CRACD: variants seen among roughly 807,000 people sequenced by gnomAD.
CRACD encodes the protein capping protein inhibiting regulator of actin dynamics.
A neutral mutation model predicts 106.8 loss-of-function variants in CRACD; 56 were observed. That is an observed-to-expected ratio of 0.52 (90% CI 0.42 to 0.66). The LOEUF (loss-of-function observed/expected upper bound fraction) is 0.66, where lower values mean the gene tolerates loss of function less well. Among genes scored for constraint, CRACD ranks in the 30% least tolerant of loss-of-function variants. CRACD has a pLI of 0.00. For missense variants in CRACD, 1,730 were observed against 1,623.2 expected, an observed-to-expected ratio of 1.07 and a Z score of -1.13; for synonymous variants, 754 against 670.8, an observed-to-expected ratio of 1.12 and a Z score of -1.92.
intron 2 of CRACD, among the ~76,000 whole-genome samples, chr4:56,197,028 A>C (rs1054970906): frequency 2.0e-5 from 3 of 152,154 alleles, no homozygotes; most frequent in African/African-American, 7.2e-5. Context: ...ATTTTCAAAA[A>C]TGTTGATACT....
chr4:56,088,689 T>C (rs1366230273), intron 1 of CRACD, among the ~76,000 whole-genome samples: 1 of 152,070 alleles, frequency 6.6e-6, no homozygotes, highest in Non-Finnish European at 1.5e-5. Context: ...GGCACACTAC[T>C]ACTAATAATT....
chr4:56,083,834 G>T (rs1039237188), intron 1 of CRACD, among the ~76,000 whole-genome samples: 3 of 152,050 alleles, frequency 2.0e-5, no homozygotes, highest in Non-Finnish European at 4.4e-5. Flanking sequence ...AAAATTAGCT[G>T]GGCGTGGTGG....
chr4:56,180,016 CAA>C (rs967967361), intron 2 of CRACD, among the ~76,000 whole-genome samples: 1 of 135,942 alleles, frequency 7.4e-6, no homozygotes, highest in African/African-American at 2.7e-5. Context: ...GACTCTGTCT[CAA>C]AAAAAAAAAA....
At chr4:56,114,791 ATATT>A (rs1379991583) in intron 1 of CRACD, among the ~76,000 whole-genome samples, 1 of 152,090 alleles carries the variant, frequency 6.6e-6, no homozygotes, top group Non-Finnish European at 1.5e-5. Context: ...TTACATATTT[ATATT>A]TATATATGTA....
intron 2 of CRACD, among the ~76,000 whole-genome samples, chr4:56,231,270 C>T (rs1350489128): frequency 2.0e-5 from 3 of 152,128 alleles, no homozygotes; most frequent in African/African-American, 7.2e-5. Context: ...AGAGAAGAGG[C>T]AGTATCTATT....
intron 3 of CRACD, among the ~76,000 whole-genome samples, chr4:56,290,173 A>AATAGGTCTGCGAGCTCAGG (rs1743625182): frequency 6.6e-6 from 1 of 152,224 alleles, no homozygotes; most frequent in African/African-American, 2.4e-5. Flanking sequence ...GCAGGCTCAG[A>AATAGGTCTGCGAGCTCAGG]ATAGGTCTGC....
At chr4:56,257,528 A>G (rs1449022466) in intron 2 of CRACD, among the ~76,000 whole-genome samples, 1 of 26,328 alleles carries the variant, frequency 3.8e-5, no homozygotes, top group African/African-American at 1.6e-4. Flanking sequence ...TCTCTACAGA[A>G]AAAAAAAAAA....
chr4:56,099,468 G>A (rs1044181958), intron 1 of CRACD, among the ~76,000 whole-genome samples: 1 of 152,168 alleles, frequency 6.6e-6, no homozygotes, highest in Non-Finnish European at 1.5e-5. Context: ...GTGGCTTGGA[G>A]GAACAGTATC....
At chr4:56,276,158 TA>T (rs1349233773) in intron 3 of CRACD, among the ~76,000 whole-genome samples, 1 of 152,186 alleles carries the variant, frequency 6.6e-6, no homozygotes, top group Non-Finnish European at 1.5e-5. Context: ...AGCAAAGCAA[TA>T]AAACATGATC....
intron 1 of CRACD, among the ~76,000 whole-genome samples, chr4:56,086,814 T>A (rs1286036429): frequency 6.6e-6 from 1 of 152,122 alleles, no homozygotes; most frequent in Non-Finnish European, 1.5e-5. Flanking sequence ...TATGACTGAC[T>A]TTGGGGCTTT....
rs55833031 is a variant in CRACD at position 56,121,644 on chromosome 4, G to GA, written c.-335-57631dup. 6.6e-5 allele frequency among the ~76,000 whole-genome samples: 10 copies of GA among 150,436 alleles called. No homozygotes were observed. In the East Asian group the frequency reaches 9.8e-4, roughly 15 times the overall value. ...GGGCGACAGAGCAAGACTCTGTCTT[G>GA]AAAAAAAAAGGAATATGCTGAATAA... On this transcript the variant is annotated intron_variant, in intron 1 of 10. Transcript: ENST00000682029.
At chr4:56,057,994 A>AT (rs558636959) in intron 1 of CRACD, among the ~76,000 whole-genome samples, 1 of 63,038 alleles carries the variant, frequency 1.6e-5, no homozygotes, top group Non-Finnish European at 3.0e-5. Flanking sequence ...AATTTTTTGT[A>AT]TTTTTTTAGT....
rs1011377444 is a variant in CRACD, at chr4:56,198,596, TTTA to T, written c.-189+19171_-189+19173del. Among the ~76,000 whole-genome samples, 57 of 152,244 alleles carry T rather than the reference TTTA, an allele frequency of 3.7e-4. 2 individuals are homozygous for T. The highest frequency in any genetic ancestry group is 1.3e-3 in the African/African-American group (54 of 41,530). The stretch of plus-strand genomic sequence containing the variant: ...GGTCTTATTCTCTATGTATGAGAGT[TTTA>T]TTATCTACTGTGTGCCAGGTACGAT... On this transcript the variant is annotated intron_variant, in intron 2 of 10. Coordinates refer to ENST00000682029, the MANE Select transcript of CRACD (RefSeq NM_001393381.1).
chr4:56,062,806 G>A (rs1032773857), intron 1 of CRACD, among the ~76,000 whole-genome samples: 4 of 152,126 alleles, frequency 2.6e-5, no homozygotes, highest in Non-Finnish European at 5.9e-5. Flanking sequence ...TTATAGAACC[G>A]AATGCCTTAC....
rs57785865 is a variant in CRACD at position 56,112,916 on chromosome 4, A to G, written c.-336+63617A>G. ...GGATTTTAGGTTAGTTTCAATTTCAACAATTAGGCTCCATTAATTTTTGGT... is the reference window on the plus strand; with the variant it reads ...GGATTTTAGGTTAGTTTCAATTTCAGCAATTAGGCTCCATTAATTTTTGGT... On this transcript the variant is annotated intron_variant, in intron 1 of 10. Coordinates refer to ENST00000682029, the MANE Select transcript of CRACD (RefSeq NM_001393381.1). Among the ~76,000 whole-genome samples the G allele has an allele frequency of 4.5e-3, 687 of 152,294 alleles. 16 individuals are homozygous for G. The East Asian group carries it at 0.063, about 14-fold the overall frequency.
intron 2 of CRACD, among the ~76,000 whole-genome samples, chr4:56,201,052 G>A (rs1209692896): frequency 6.6e-6 from 1 of 152,020 alleles, no homozygotes; most frequent in Non-Finnish European, 1.5e-5. Flanking sequence ...TTCTTTTTTG[G>A]TGCATTTTAT....
intron 3 of CRACD, among the ~76,000 whole-genome samples, chr4:56,290,262 G>C (rs1240663693): frequency 6.6e-6 from 1 of 152,192 alleles, no homozygotes. Context: ...CACAGGCGAT[G>C]TTATCTGTTA....
At chr4:56,301,085 T>C (rs1744339856) in intron 4 of CRACD, 5 of 453,142 alleles carry the variant, frequency 1.1e-5, no homozygotes, top group East Asian at 7.1e-5. Context: ...TCTGTAGTTA[T>C]ACTTTTGAAA....
chr4:56,163,752 C>T (rs1383636922), intron 1 of CRACD, among the ~76,000 whole-genome samples: 1 of 147,544 alleles, frequency 6.8e-6, no homozygotes, highest in East Asian at 2.0e-4. Context: ...TTGTGTGTAT[C>T]TTTTTTTTTT....
Sources: gnomAD v4.1 joint callset for allele counts (sites outside exome capture counted in the v4.1 genomes callset) on GRCh38, gnomAD v4.1.1 for gene constraint, MANE v1.5 for transcripts, NCBI Gene and HGNC (gene_info 2026-07-23, HGNC 2026-07-21) for gene names.